The following LINGO2 variants were observed in gnomAD, a reference collection of about 807,000 sequenced individuals.
The protein encoded by LINGO2 is leucine rich repeat and Ig domain containing 2.
In LINGO2, 14 loss-of-function variants were observed where a neutral mutation model predicts 30.6. The ratio of observed to expected loss-of-function variants is 0.46; its 90% CI spans 0.30 to 0.72. The LOEUF (loss-of-function observed/expected upper bound fraction) is 0.72, where lower values mean the gene tolerates loss of function less well. Ranked by LOEUF, LINGO2 falls within the 30% of genes least tolerant of loss-of-function variation. The pLI is 0.07. For missense variants in LINGO2, 729 were observed against 751.7 expected (o/e 0.97, Z 0.35); for synonymous variants, 317 against 288.5 (o/e 1.10, Z -1.00).
chr9:28,613,106 TATG>T (rs201300988), intron 1 of LINGO2, among the ~76,000 whole-genome samples: 1 of 152,124 alleles, frequency 6.6e-6, no homozygotes, highest in East Asian at 1.9e-4. Context: ...CGCTCTCTGC[TATG>T]ATGATAAGTT....
At chr9:29,042,084 T>G in the LINGO2 span, among the ~76,000 whole-genome samples, 1 of 151,806 alleles carries the variant, frequency 6.6e-6, no homozygotes, top group South Asian at 2.1e-4. Flanking sequence ...AAAACTAAAA[T>G]CACAATGAAA....
the LINGO2 span, among the ~76,000 whole-genome samples, chr9:29,205,450 A>G: frequency 6.6e-6 from 1 of 152,150 alleles, no homozygotes; most frequent in Non-Finnish European, 1.5e-5. Flanking sequence ...TATTATCTTT[A>G]CTTGCCATTG....
the LINGO2 span, among the ~76,000 whole-genome samples, chr9:29,073,393 C>T: frequency 5.1e-4 from 78 of 152,014 alleles, 1 homozygote; most frequent in African/African-American, 1.8e-3. Context: ...TTTGAGGTGC[C>T]CTTAGTCTAA....
chr9:28,035,090 C>A (rs895306943), intron 4 of LINGO2, among the ~76,000 whole-genome samples: 2 of 152,188 alleles, frequency 1.3e-5, no homozygotes, highest in African/African-American at 2.4e-5. Flanking sequence ...TTCTAAAAAA[C>A]CAAAAATTAT....
the LINGO2 span, among the ~76,000 whole-genome samples, chr9:28,676,727 G>A: frequency 7.0e-4 from 107 of 152,180 alleles, no homozygotes; most frequent in Admixed American, 2.0e-3. Context: ...CCTTTTTAGA[G>A]AGGTACATAA....
the LINGO2 span, among the ~76,000 whole-genome samples, chr9:29,093,255 A>G: frequency 7.5e-6 from 1 of 133,988 alleles, no homozygotes; most frequent in East Asian, 2.5e-4. Flanking sequence ...GTAAAATATT[A>G]TAATTAATTC....
chr9:28,133,397 T>A (rs148143623), intron 4 of LINGO2, among the ~76,000 whole-genome samples: 56 of 152,252 alleles, frequency 3.7e-4, no homozygotes, highest in Non-Finnish European at 7.9e-4. Context: ...ATATTTGGGA[T>A]CCTATTAGAC....
chr9:29,130,753 G>A, the LINGO2 span, among the ~76,000 whole-genome samples: 1 of 150,654 alleles, frequency 6.6e-6, no homozygotes, highest in Non-Finnish European at 1.5e-5. Flanking sequence ...CAGGAGATAA[G>A]GTACTTGTTA....
chr9:28,449,756 C>T (rs1366681096), intron 2 of LINGO2, among the ~76,000 whole-genome samples: 4 of 151,964 alleles, frequency 2.6e-5, no homozygotes, highest in Admixed American at 2.6e-4. Context: ...AATTACTAGT[C>T]CCCACCTATT....
At chr9:29,018,181 C>T in the LINGO2 span, among the ~76,000 whole-genome samples, 2 of 149,784 alleles carry the variant, frequency 1.3e-5, no homozygotes, top group Non-Finnish European at 3.0e-5. Context: ...CAAACTGATG[C>T]AAGAAGAGAA....
chr9:28,585,149 T>C (rs957305727), intron 1 of LINGO2, among the ~76,000 whole-genome samples: 3 of 152,064 alleles, frequency 2.0e-5, no homozygotes, highest in Non-Finnish European at 4.4e-5. Context: ...ATGACAATAG[T>C]GTTTTTTATT....
At chr9:28,368,152 T>C (rs774141367) in intron 3 of LINGO2, among the ~76,000 whole-genome samples, 1 of 152,200 alleles carries the variant, frequency 6.6e-6, no homozygotes, top group Admixed American at 6.5e-5. Flanking sequence ...TCCATTGTTT[T>C]CTATTACACC....
intron 1 of LINGO2, among the ~76,000 whole-genome samples, chr9:28,545,016 T>A (rs1034639404): frequency 2.0e-5 from 3 of 151,832 alleles, no homozygotes; most frequent in Non-Finnish European, 4.4e-5. Flanking sequence ...ATAGTCATTG[T>A]CAAAGCAACC....
the LINGO2 span, among the ~76,000 whole-genome samples, chr9:28,718,336 G>A: frequency 6.6e-6 from 1 of 151,964 alleles, no homozygotes; most frequent in Non-Finnish European, 1.5e-5. Flanking sequence ...TAGGACAATG[G>A]AAGAAATAGC....
intron 4 of LINGO2, among the ~76,000 whole-genome samples, chr9:28,238,267 T>C (rs1404786227): frequency 6.6e-6 from 1 of 152,032 alleles, no homozygotes; most frequent in Non-Finnish European, 1.5e-5. Flanking sequence ...CAACAAAAAA[T>C]GGGACTTAAT....
chr9:27,950,181 T>C (rs1412876049), exon 6 of LINGO2: 1 of 1,614,058 alleles, frequency 6.2e-7, no homozygotes, highest in Admixed American at 1.7e-5. Flanking sequence ...ATAAACCAAA[T>C]CATTGTCCCC....
At chr9:28,168,022 C>T (rs1467648841) in intron 4 of LINGO2, among the ~76,000 whole-genome samples, 2 of 152,210 alleles carry the variant, frequency 1.3e-5, no homozygotes, top group Admixed American at 6.5e-5. Flanking sequence ...TATACTCCTT[C>T]ATCCCTGAAA....
the LINGO2 span, among the ~76,000 whole-genome samples, chr9:29,189,219 C>G: frequency 6.8e-6 from 1 of 147,062 alleles, no homozygotes; most frequent in Non-Finnish European, 1.5e-5. Context: ...GTAGGGGCGG[C>G]CGGGCAGAGG....
the LINGO2 span, among the ~76,000 whole-genome samples, chr9:28,965,535 A>G: frequency 6.6e-6 from 1 of 151,962 alleles, no homozygotes; most frequent in Non-Finnish European, 1.5e-5. Context: ...CTTAATTTTT[A>G]CCACTATATT....
Sources: allele counts gnomAD v4.1 joint callset (sites outside exome capture counted in the v4.1 genomes callset), GRCh38; gene constraint gnomAD v4.1.1; transcripts MANE v1.5; gene names NCBI Gene and HGNC (gene_info 2026-07-23, HGNC 2026-07-21).